Variants in CFAP92 observed in about 807,000 individuals in gnomAD.
CFAP92 encodes cilia and flagella associated protein 92 (putative), also known as uncharacterized protein CFAP92.
CFAP92 carries 86 observed loss-of-function variants against 106.3 expected under a neutral mutation model. The observed-to-expected ratio is 0.81, with a 90% CI of 0.68 to 0.97. The LOEUF (loss-of-function observed/expected upper bound fraction) is 0.97. Ranked by LOEUF, CFAP92 falls within the 50% of genes least tolerant of loss-of-function variation. The probability of loss-of-function intolerance (pLI) is 0.00; values close to 1 mark genes in which losing one functional copy is unlikely to be tolerated. For synonymous variants in CFAP92, 477 were observed against 506.4 expected (o/e 0.94, Z 0.78); for missense variants, 1,204 against 1,283.8 (o/e 0.94, Z 0.95).
At chr3:128,978,780 C>T (rs1943330335) in intron 4 of CFAP92, among the ~76,000 whole-genome samples, 2 of 152,194 alleles carry the variant, frequency 1.3e-5, no homozygotes, top group South Asian at 4.1e-4. Context: ...GGATCCCTTC[C>T]TTACACCTTA....
intron 12 of CFAP92, 26 bp from the exon 13 acceptor site, chr3:128,916,297 C>T (rs1936813756): frequency 8.1e-7 from 1 of 1,230,626 alleles, no homozygotes; most frequent in Non-Finnish European, 1.0e-6. Flanking sequence ...CCAGTCACTA[C>T]CCACACCAGG....
rs1228933908 is a variant in CFAP92 at position 128,945,475 on chromosome 3, G to A, written c.1854C>T (p.Gly618=). ...CTAGGTAGTTGCCCCTGGGCATTGGGCCGTGCTGGTGGCCATCTCTGGGGA... is the reference window on the plus strand; with the variant it reads ...CTAGGTAGTTGCCCCTGGGCATTGGACCGTGCTGGTGGCCATCTCTGGGGA... ...LGVPRDGHQH[G]PMPRGNYLEA... is the part of the protein sequence containing the mutation. The change falls in exon 10 of 16, where the codon GGC becomes GGT. Residue 618 remains glycine (G), a synonymous_variant. Transcript: ENST00000645291. 3.9e-6 allele frequency: 6 copies of A among 1,536,144 alleles called. No individual in the cohort carries two copies. The highest frequency in any genetic ancestry group is 3.9e-5 in the Admixed American group (2 of 50,998).
intron 12 of CFAP92, among the ~76,000 whole-genome samples, chr3:128,922,342 C>CAA (rs71618174): frequency 8.7e-5 from 12 of 137,418 alleles, no homozygotes; most frequent in African/African-American, 2.1e-4. Flanking sequence ...GGCTCCATCT[C>CAA]AAAAAAAAAA....
chr3:128,929,352 TTTC>T (rs1294042918), intron 12 of CFAP92, among the ~76,000 whole-genome samples: 1 of 152,202 alleles, frequency 6.6e-6, no homozygotes, highest in East Asian at 1.9e-4. Flanking sequence ...AAAAACCGCT[TTTC>T]TTACAATGTA....
In CFAP92 at chr3:128,991,023, G is replaced by A. The variant is rs1292916309; in HGVS notation, c.262+2020C>T. On this transcript the variant is annotated intron_variant, in intron 2 of 15. Transcript: ENST00000645291. ...AGAGCCGAAGGTATGTCATTTAAAG[G>A]TATTGGCATGATAAAAAAATACTCT... Among the ~76,000 whole-genome samples, 3 of 152,098 alleles carry A rather than the reference G, an allele frequency of 2.0e-5. No homozygotes were observed. In the East Asian group the frequency reaches 5.8e-4, roughly 29 times the overall value.
chr3:129,013,856 A>G, the CFAP92 span, among the ~76,000 whole-genome samples: 1 of 152,230 alleles, frequency 6.6e-6, no homozygotes, highest in Non-Finnish European at 1.5e-5. Context: ...CTTGTGGGCA[A>G]TGATGGCACC....
intron 4 of CFAP92, 117 bp from the exon 5 acceptor site, chr3:128,978,302 T>C: frequency 1.0e-6 from 1 of 976,336 alleles, no homozygotes; most frequent in Non-Finnish European, 1.5e-6. Flanking sequence ...TACACTAAAG[T>C]AAATATCACA....
chr3:128,994,105 GCCGC>G (rs1944387198), upstream of CFAP92: 1 of 985,650 alleles, frequency 1.0e-6, no homozygotes, highest in Non-Finnish European at 1.2e-6. Flanking sequence ...TGCAGGGAGG[GCCGC>G]AGGCCCAGCC....
rs979722615 is a variant in CFAP92, at chr3:128,956,197, A to T, written c.1353+9314T>A. On this transcript the variant is annotated intron_variant, in intron 9 of 15. Coordinates refer to ENST00000645291, the MANE Select transcript of CFAP92 (RefSeq NM_001394090.1). ...AAAAAAATAAATTAAAAAAAAAAATAAAAAAAAAATAAAAAAATAAAAAAA... is the reference window on the plus strand; with the variant it reads ...AAAAAAATAAATTAAAAAAAAAAATTAAAAAAAAATAAAAAAATAAAAAAA... Among the ~76,000 whole-genome samples, 92 of 79,452 alleles carry T rather than the reference A, an allele frequency of 1.2e-3. 1 individual carries two copies. The highest frequency in any genetic ancestry group is 1.1e-3 in the Non-Finnish European group (46 of 42,872). 52.1% of individuals were successfully genotyped at this position (79,452 alleles called of 152,430 possible).
At chr3:128,930,150 ATAT>A (rs1246635049) in intron 12 of CFAP92, among the ~76,000 whole-genome samples, 2 of 151,998 alleles carry the variant, frequency 1.3e-5, no homozygotes, top group African/African-American at 2.4e-5. Flanking sequence ...AAAATTCTCC[ATAT>A]TATTGCATTT....
intron 11 of CFAP92, 106 bp downstream of exon 11, chr3:128,935,019 C>T (rs1470502515): frequency 3.7e-6 from 3 of 820,938 alleles, no homozygotes; most frequent in Non-Finnish European, 5.5e-6. Flanking sequence ...CTGTTGGGGC[C>T]ACTATCTAGT....
intron 6 of CFAP92, 63 bp downstream of exon 6, chr3:128,976,916 C>T: frequency 1.5e-6 from 2 of 1,295,286 alleles, no homozygotes; most frequent in Non-Finnish European, 2.2e-6. Context: ...TACCACGACT[C>T]ATAGTAGGGC....
Position 128,924,161 on chromosome 3 carries a change from G to A in CFAP92, c.2752-7890C>T, listed in dbSNP as rs573993087. Among the ~76,000 whole-genome samples, 5 of 152,284 alleles carry A rather than the reference G, an allele frequency of 3.3e-5. No homozygotes were observed. In the South Asian group the frequency reaches 1.0e-3, roughly 32 times the overall value. ...AGTGTTGGGAAAAAAGCTGAGGCAG[G>A]ACTTGCATGTCTGATATAATGTAAA... On this transcript the variant is annotated intron_variant, in intron 12 of 15. Coordinates refer to ENST00000645291, the MANE Select transcript of CFAP92 (RefSeq NM_001394090.1).
chr3:128,950,021 T>C (rs6439150), intron 9 of CFAP92, among the ~76,000 whole-genome samples: 2,232 of 152,272 alleles, frequency 0.015, 46 homozygotes, highest in African/African-American at 0.051. Flanking sequence ...TATAGACCTA[T>C]AAACCAAAAG....
At chr3:128,971,492 T>A (rs549634623) in intron 7 of CFAP92, 59 bp from the exon 8 acceptor site, 2 of 1,353,922 alleles carry the variant, frequency 1.5e-6, no homozygotes, top group Admixed American at 4.9e-5. Context: ...AGCTGCCATA[T>A]GTGGACCTGA....
At chr3:128,984,209 T>C (rs1324730486) in intron 4 of CFAP92, among the ~76,000 whole-genome samples, 2 of 152,238 alleles carry the variant, frequency 1.3e-5, no homozygotes, top group East Asian at 1.9e-4. Context: ...CTGAGTGTGA[T>C]GGTTAATACT....
chr3:128,986,285 G>A (rs1348522113), intron 4 of CFAP92, among the ~76,000 whole-genome samples: 1 of 150,506 alleles, frequency 6.6e-6, no homozygotes, highest in Non-Finnish European at 1.5e-5. Context: ...CATCACCCAG[G>A]CTGGTGTGCA....
intron 10 of CFAP92, among the ~76,000 whole-genome samples, chr3:128,940,042 T>C (rs1576451762): frequency 6.6e-6 from 1 of 152,182 alleles, no homozygotes; most frequent in African/African-American, 2.4e-5. Context: ...TCCGCATAAA[T>C]TGAATCACGT....
chr3:128,971,260 G>A, intron 8 of CFAP92, 27 bp downstream of exon 8: 1 of 1,613,644 alleles, frequency 6.2e-7, no homozygotes, highest in Non-Finnish European at 8.5e-7. Flanking sequence ...AGCAGGAGCT[G>A]CTGGGAACAG....
Sources: gnomAD v4.1 joint callset for allele counts (sites outside exome capture counted in the v4.1 genomes callset) on GRCh38, gnomAD v4.1.1 for gene constraint, MANE v1.5 for transcripts, NCBI Gene and HGNC (gene_info 2026-07-23, HGNC 2026-07-21) for gene names.